The following COX10 variants were observed in gnomAD, a reference collection of about 807,000 sequenced individuals.
COX10 encodes cytochrome c oxidase assembly factor heme A:farnesyltransferase COX10, also known as protoheme IX farnesyltransferase, mitochondrial.
A neutral mutation model predicts 37.3 loss-of-function variants in COX10; 27 were observed. That is an observed-to-expected ratio of 0.72 (90% CI 0.53 to 1.00). COX10 has a LOEUF of 1.00. Ranked by LOEUF, COX10 falls within the 50% of genes least tolerant of loss-of-function variation. The pLI is 0.00. For missense variants in COX10, 475 were observed against 563.2 expected (o/e 0.84, Z 1.59); for synonymous variants, 222 against 229.1 (o/e 0.97, Z 0.28).
At chr17:14,134,918 A>C (rs1299614454) in intron 4 of COX10, among the ~76,000 whole-genome samples, 1 of 151,818 alleles carries the variant, frequency 6.6e-6, no homozygotes, top group Non-Finnish European at 1.5e-5. Flanking sequence ...ATAGTACAAT[A>C]TTACAAGCAG....
intron 4 of COX10, among the ~76,000 whole-genome samples, chr17:14,132,750 A>G (rs1319321997): frequency 1.3e-5 from 2 of 151,574 alleles, no homozygotes; most frequent in Non-Finnish European, 3.0e-5. Context: ...TTCAAAGAAT[A>G]CCCCTGCTTA....
At chr17:14,135,630 A>G (rs1236977355) in intron 4 of COX10, among the ~76,000 whole-genome samples, 1 of 151,968 alleles carries the variant, frequency 6.6e-6, no homozygotes, top group African/African-American at 2.4e-5. Flanking sequence ...GAAGCAATAG[A>G]GTGTTGATTT....
intron 3 of COX10, among the ~76,000 whole-genome samples, chr17:14,080,930 G>A (rs1915279796): frequency 6.6e-6 from 1 of 151,542 alleles, no homozygotes; most frequent in Non-Finnish European, 1.5e-5. Flanking sequence ...ATTCACTCAT[G>A]TTTTCCTCTG....
chr17:14,076,629 A>G (rs1333613071), intron 2 of COX10, 106 bp from the exon 3 acceptor site: 3 of 1,054,042 alleles, frequency 2.8e-6, no homozygotes, highest in Non-Finnish European at 4.3e-6. Flanking sequence ...CTGTGGGAAA[A>G]GCTTTCAAAT....
chr17:14,185,929 C>T (rs962923103), intron 5 of COX10, among the ~76,000 whole-genome samples: 1 of 151,822 alleles, frequency 6.6e-6, no homozygotes, highest in Non-Finnish European at 1.5e-5. Flanking sequence ...ACCAAAGAGT[C>T]GTTCAGTGGG....
At chr17:14,136,006 T>C (rs1298624808) in intron 4 of COX10, among the ~76,000 whole-genome samples, 2 of 151,896 alleles carry the variant, frequency 1.3e-5, no homozygotes, top group Non-Finnish European at 2.9e-5. Flanking sequence ...AAATAGTAAG[T>C]TGGGGATTAG....
intron 6 of COX10, among the ~76,000 whole-genome samples, chr17:14,206,169 G>A (rs944111911): frequency 6.6e-6 from 1 of 152,038 alleles, no homozygotes. Flanking sequence ...AGGGTGTGAC[G>A]CACCCGCCTG....
intron 5 of COX10, among the ~76,000 whole-genome samples, chr17:14,178,302 T>C (rs1905748123): frequency 1.0e-5 from 1 of 97,744 alleles, no homozygotes; most frequent in South Asian, 4.0e-4. Flanking sequence ...TGTTTTGCCC[T>C]AGGAGATTAT....
intron 6 of COX10, among the ~76,000 whole-genome samples, chr17:14,202,092 CT>C (rs369469313): frequency 7.1e-4 from 103 of 145,658 alleles, no homozygotes; most frequent in South Asian, 5.0e-3. Context: ...AGATCTCTCT[CT>C]TTTTTTTTTT....
chr17:14,202,794 A>T (rs1597550098), intron 6 of COX10, among the ~76,000 whole-genome samples: 1 of 139,276 alleles, frequency 7.2e-6, no homozygotes, highest in Non-Finnish European at 1.5e-5. Flanking sequence ...CCCACTCCTT[A>T]TCTTGATTTC....
At chr17:14,163,299 A>G (rs1476312979) in intron 5 of COX10, among the ~76,000 whole-genome samples, 1 of 151,678 alleles carries the variant, frequency 6.6e-6, no homozygotes, top group Non-Finnish European at 1.5e-5. Context: ...TCTCTTGCCC[A>G]GGCTAGAGTG....
At chr17:14,096,402 C>T (rs1322152264) in intron 3 of COX10, among the ~76,000 whole-genome samples, 14 of 118,004 alleles carry the variant, frequency 1.2e-4, no homozygotes, top group Non-Finnish European at 8.3e-5. Flanking sequence ...TTTGAGCTGG[C>T]CTTGCTCTGT....
At chr17:14,163,638 T>G (rs1277969584) in intron 5 of COX10, among the ~76,000 whole-genome samples, 1 of 152,050 alleles carries the variant, frequency 6.6e-6, no homozygotes, top group Non-Finnish European at 1.5e-5. Context: ...ACATTGAAAA[T>G]GAATGTGAAT....
At chr17:14,100,355 G>A (rs1196858446) in intron 3 of COX10, among the ~76,000 whole-genome samples, 1 of 152,136 alleles carries the variant, frequency 6.6e-6, no homozygotes, top group African/African-American at 2.4e-5. Context: ...CACAGACAGG[G>A]GTCCTACCTT....
At chr17:14,185,651 C>A (rs1410337374) in intron 5 of COX10, among the ~76,000 whole-genome samples, 1 of 151,780 alleles carries the variant, frequency 6.6e-6, no homozygotes, top group Non-Finnish European at 1.5e-5. Context: ...TATTGCTTGT[C>A]CTCTTTCTAC....
intron 4 of COX10, among the ~76,000 whole-genome samples, chr17:14,126,718 CA>C (rs1916348939): frequency 6.6e-6 from 1 of 151,974 alleles, no homozygotes; most frequent in Admixed American, 6.6e-5. Flanking sequence ...TGGGAGGATG[CA>C]ATGGAGTATA....
In COX10 at chr17:14,101,963, T is replaced by C. The variant is rs3785685; in HGVS notation, c.500-155T>C. On this transcript the variant is annotated intron_variant, in intron 3 of 6. Coordinates refer to ENST00000261643, the MANE Select transcript of COX10 (RefSeq NM_001303.4). ...CATGTAGTTTTTATAATCAGAAAAA[T>C]GTGGATCTTTTTTAAGCCAAAGATC... Among the ~76,000 whole-genome samples, 240 of 152,228 alleles carry C rather than the reference T, an allele frequency of 1.6e-3. 8 individuals carry two copies. The East Asian group carries it at 0.042, about 26-fold the overall frequency.
In COX10 at chr17:14,102,014, A is replaced by T; in HGVS notation, c.500-104A>T. 3 of 1,390,596 alleles carry T rather than the reference A, an allele frequency of 2.2e-6. No homozygotes were observed. The East Asian group carries it at 6.9e-5, about 32-fold the overall frequency. The allele number at this position is 1,390,596 out of a possible 1,614,324, so 86.1% of individuals were successfully genotyped here. On this transcript the variant is annotated intron_variant, in intron 3 of 6. Transcript: ENST00000261643. ...AGCCTGTACTTTGTGTTATTAATAT[A>T]ATCAATTAGTTTATATGAAGGATGG...
chr17:14,129,763 A>C (rs1437807310), intron 4 of COX10, among the ~76,000 whole-genome samples: 1 of 152,176 alleles, frequency 6.6e-6, no homozygotes, highest in East Asian at 1.9e-4. Context: ...TGAAAAACCA[A>C]CTTTAGCAGA....
Sources: allele counts gnomAD v4.1 joint callset (sites outside exome capture counted in the v4.1 genomes callset), GRCh38; gene constraint gnomAD v4.1.1; transcripts MANE v1.5; gene names NCBI Gene and HGNC (gene_info 2026-07-23, HGNC 2026-07-21).